The following SGCD variants were observed in gnomAD, a reference collection of about 807,000 sequenced individuals.
SGCD encodes the protein sarcoglycan delta, also known as delta-sarcoglycan.
SGCD carries 18 observed loss-of-function variants against 36.6 expected under a neutral mutation model. That is an observed-to-expected ratio of 0.49 (90% CI 0.34 to 0.73). The LOEUF is 0.73. Among genes scored for constraint, SGCD ranks in the 30% least tolerant of loss-of-function variants. SGCD has a pLI of 0.01. For synonymous variants in SGCD, 133 were observed against 130.6 expected, an observed-to-expected ratio of 1.02 and a Z score of -0.12; for missense variants, 387 against 346.7, an observed-to-expected ratio of 1.12 and a Z score of -0.92.
chr5:156,402,484 C>T (rs567633711), intron 3 of SGCD, among the ~76,000 whole-genome samples: 62 of 152,290 alleles, frequency 4.1e-4, no homozygotes, highest in Admixed American at 2.1e-3. Flanking sequence ...AATGAGACAG[C>T]GTTGCCTGTT....
In SGCD at chr5:156,058,196, A is replaced by G. The variant is rs553351991; in HGVS notation, c.-281-59682A>G. On this transcript the variant is annotated intron_variant, in intron 1 of 9. Coordinates refer to the SGCD transcript ENST00000517913. ...TCTGAGCAAGCCTTTAGATATAATT[A>G]CCAATTTATATTAAAAGCAGGAGAC... Among the ~76,000 whole-genome samples the G allele has an allele frequency of 4.1e-4, 60 of 146,380 alleles. 3 individuals are homozygous for G. The highest frequency in any genetic ancestry group is 1.3e-3 in the African/African-American group (55 of 40,762).
In SGCD at chr5:156,759,584, A is replaced by G. The variant is rs947378407; in HGVS notation, c.*194A>G. On this transcript the variant is annotated 3_prime_UTR_variant, in exon 9 of 9. Coordinates refer to ENST00000337851, the MANE Select transcript of SGCD (RefSeq NM_000337.6). ...TATATATAAATATATATAAATAAATATATATATCCTCTGTATAAAATGAGG... is the reference window on the plus strand; with the variant it reads ...TATATATAAATATATATAAATAAATGTATATATCCTCTGTATAAAATGAGG... 2 of 172,502 alleles carry G rather than the reference A, an allele frequency of 1.2e-5. No homozygotes were observed. The highest frequency in any genetic ancestry group is 2.4e-5 in the African/African-American group (1 of 41,668). The allele number at this position is 172,502 out of a possible 1,614,324, so 10.7% of individuals were successfully genotyped here.
intron 3 of SGCD, among the ~76,000 whole-genome samples, chr5:156,195,915 A>G (rs1441808611): frequency 6.6e-6 from 1 of 152,148 alleles, no homozygotes. Context: ...GTCACTTTCC[A>G]TCTTATTCCC....
In SGCD at chr5:156,586,149, C is replaced by A. The variant is rs1040823832; in HGVS notation, c.295-3082C>A. ...TATGTATAGCTCTCATATCTCCCTACGCTCTTGGCTGTGATAGTGTCTCAG... is the reference window on the plus strand; with the variant it reads ...TATGTATAGCTCTCATATCTCCCTAAGCTCTTGGCTGTGATAGTGTCTCAG... On this transcript the variant is annotated intron_variant, in intron 4 of 8. Coordinates refer to ENST00000337851, the MANE Select transcript of SGCD (RefSeq NM_000337.6). Among the ~76,000 whole-genome samples, 10 of 151,844 alleles carry A rather than the reference C, an allele frequency of 6.6e-5. No homozygotes were observed. In the South Asian group the frequency reaches 1.9e-3, roughly 28 times the overall value.
At chr5:156,184,140 G>T (rs1398116933) in intron 3 of SGCD, among the ~76,000 whole-genome samples, 3 of 152,148 alleles carry the variant, frequency 2.0e-5, no homozygotes, top group Non-Finnish European at 4.4e-5. Flanking sequence ...ATAAAGTGTT[G>T]AATATCTCAA....
the SGCD span, among the ~76,000 whole-genome samples, chr5:155,774,824 T>C: frequency 2.6e-5 from 4 of 152,242 alleles, no homozygotes; most frequent in South Asian, 4.2e-4. Flanking sequence ...GTAATGCAGG[T>C]CCAGGGATTA....
chr5:156,549,307 C>A (rs181477034), intron 4 of SGCD, among the ~76,000 whole-genome samples: 1 of 152,138 alleles, frequency 6.6e-6, no homozygotes, highest in Admixed American at 6.5e-5. Context: ...GATGAGCTCA[C>A]GTTGTCAGCC....
chr5:155,980,777 A>G (rs1035104043), intron 1 of SGCD, among the ~76,000 whole-genome samples: 3 of 152,178 alleles, frequency 2.0e-5, no homozygotes, highest in African/African-American at 7.2e-5. Context: ...TGGTAGGAGA[A>G]TGCAAAAATA....
chr5:156,120,899 T>G (rs1762021162), intron 2 of SGCD, among the ~76,000 whole-genome samples: 1 of 152,170 alleles, frequency 6.6e-6, no homozygotes, highest in South Asian at 2.1e-4. Flanking sequence ...GGCTTCAGAA[T>G]GCAGGAATAA....
chr5:156,265,422 T>C (rs1409299521), intron 3 of SGCD, among the ~76,000 whole-genome samples: 1 of 152,074 alleles, frequency 6.6e-6, no homozygotes, highest in African/African-American at 2.4e-5. Flanking sequence ...TAAATGCAAT[T>C]GATCCTCATT....
chr5:155,999,426 C>A (rs531408648), intron 1 of SGCD, among the ~76,000 whole-genome samples: 1 of 152,346 alleles, frequency 6.6e-6, no homozygotes, highest in East Asian at 1.9e-4. Context: ...CTTAATATAA[C>A]TGAGCAAATC....
intron 7 of SGCD, among the ~76,000 whole-genome samples, chr5:156,747,107 G>C (rs914902153): frequency 1.3e-5 from 2 of 151,192 alleles, no homozygotes; most frequent in African/African-American, 2.5e-5. Flanking sequence ...CACATGAAAA[G>C]GTGCCTAACA....
intron 3 of SGCD, among the ~76,000 whole-genome samples, chr5:156,276,902 T>C (rs1014318671): frequency 2.6e-5 from 4 of 152,210 alleles, no homozygotes; most frequent in African/African-American, 9.6e-5. Context: ...TAGGTTTTTT[T>C]CAGATTTTTG....
the SGCD span, among the ~76,000 whole-genome samples, chr5:155,780,718 G>A: frequency 6.6e-6 from 1 of 152,064 alleles, no homozygotes; most frequent in African/African-American, 2.4e-5. Flanking sequence ...GAATATGAAT[G>A]ATTTAGTCAA....
intron 2 of SGCD, 106 bp downstream of exon 2, chr5:156,329,685 C>T (rs1489025605): frequency 1.1e-6 from 1 of 949,848 alleles, no homozygotes; most frequent in Non-Finnish European, 1.6e-6. Flanking sequence ...TATGCCTTAT[C>T]CTGATGAAGA....
chr5:156,439,964 G>GT (rs1003882965), intron 3 of SGCD, among the ~76,000 whole-genome samples: 12 of 152,098 alleles, frequency 7.9e-5, no homozygotes, highest in Admixed American at 2.0e-4. Flanking sequence ...AGTCAGTGCA[G>GT]TTTTTTTAAT....
intron 3 of SGCD, among the ~76,000 whole-genome samples, chr5:156,219,924 A>G (rs1764676254): frequency 6.6e-6 from 1 of 152,194 alleles, no homozygotes; most frequent in Non-Finnish European, 1.5e-5. Context: ...TATTAGTATT[A>G]ACAGTGCCAG....
chr5:155,835,061 G>A, the SGCD span, among the ~76,000 whole-genome samples: 2 of 129,182 alleles, frequency 1.5e-5, no homozygotes, highest in Middle Eastern at 0.011. Flanking sequence ...AGGCTAGAGA[G>A]CAGTGACGTG....
chr5:156,114,300 G>A (rs889743102), intron 1 of SGCD, among the ~76,000 whole-genome samples: 3 of 151,940 alleles, frequency 2.0e-5, no homozygotes, highest in African/African-American at 2.4e-5. Flanking sequence ...ATTTTGCTGC[G>A]AACCTAAAAC....
Sources: gnomAD v4.1 joint callset for allele counts (sites outside exome capture counted in the v4.1 genomes callset) on GRCh38, gnomAD v4.1.1 for gene constraint, MANE v1.5 for transcripts, NCBI Gene and HGNC (gene_info 2026-07-23, HGNC 2026-07-21) for gene names.